Variants in CSMD1 observed in about 807,000 individuals in gnomAD.
The protein encoded by CSMD1 is CUB and Sushi multiple domains 1.
In CSMD1, 213 loss-of-function variants were observed where a neutral mutation model predicts 417.5. The ratio of observed to expected loss-of-function variants is 0.51; its 90% CI spans 0.46 to 0.57. CSMD1 has a LOEUF of 0.57. CSMD1 is among the 20% of genes least tolerant of loss of function. The pLI, the probability that CSMD1 is intolerant of heterozygous loss-of-function variation, is 0.00. For synonymous variants in CSMD1, 2,862 were observed against 1,736.8 expected (o/e 1.65, Z -16.11); for missense variants, 6,923 against 4,529.7 (o/e 1.53, Z -15.17).
intron 5 of CSMD1, among the ~76,000 whole-genome samples, chr8:3,785,777 G>C (rs985018358): frequency 2.0e-5 from 3 of 152,068 alleles, no homozygotes; most frequent in African/African-American, 7.2e-5. Flanking sequence ...CAGGAACCTG[G>C]AAGAGTAGGT....
Position 3,558,374 on chromosome 8 carries a change from TCAGTAGTACCCCGTGTCCACTTCTC to T in CSMD1, c.1344+16546_1344+16570del, listed in dbSNP as rs1799275157. On this transcript the variant is annotated intron_variant, in intron 10 of 69. Transcript: ENST00000635120. ...CACTCCTCCAATGATGAATGGTGCC[TCAGTAGTACCCCGTGTCCACTTCTC>T]CAATGATGAACGGTGCCTCAATGGT... Among the ~76,000 whole-genome samples, 6 of 138,902 alleles carry T rather than the reference TCAGTAGTACCCCGTGTCCACTTCTC, an allele frequency of 4.3e-5. No homozygotes were observed. The South Asian group carries it at 6.8e-4, about 16-fold the overall frequency. 91.1% of individuals were successfully genotyped at this position (138,902 alleles called of 152,430 possible). A position where few individuals can be genotyped will look rare whatever the true frequency, so the allele number is the denominator to read the frequency against.
In CSMD1 at chr8:4,865,267, T is replaced by C. The variant is rs183439468; in HGVS notation, c.85+129065A>G. ...CAACATAAAACTTCTATGTTATTCA[T>C]CCTAAGAAAATACTACATACTGCTT... On this transcript the variant is annotated intron_variant, in intron 1 of 69. Transcript: ENST00000635120. Among the ~76,000 whole-genome samples the C allele has an allele frequency of 2.0e-3, 299 of 151,972 alleles. 3 individuals carry two copies. Among genetic ancestry groups the C allele is most frequent in the African/African-American group, 6.8e-3 (280 of 41,464 alleles).
intron 5 of CSMD1, among the ~76,000 whole-genome samples, chr8:3,846,215 T>A (rs1803492814): frequency 6.6e-6 from 1 of 152,194 alleles, no homozygotes; most frequent in African/African-American, 2.4e-5. Context: ...ATACGTTTGT[T>A]GCCACCAGCA....
At chr8:4,750,650 T>C (rs1811257914) in intron 1 of CSMD1, among the ~76,000 whole-genome samples, 1 of 151,968 alleles carries the variant, frequency 6.6e-6, no homozygotes, top group Non-Finnish European at 1.5e-5. Context: ...CTAAATAAAA[T>C]TAAAGGAATC....
intron 6 of CSMD1, among the ~76,000 whole-genome samples, chr8:3,714,849 TCA>T (rs1801737740): frequency 6.6e-6 from 1 of 152,178 alleles, no homozygotes; most frequent in Non-Finnish European, 1.5e-5. Context: ...TTGAATTATC[TCA>T]GAGCTTTATC....
chr8:4,232,458 C>G (rs372652881), intron 3 of CSMD1, among the ~76,000 whole-genome samples: 2 of 152,150 alleles, frequency 1.3e-5, no homozygotes, highest in African/African-American at 4.8e-5. Flanking sequence ...CTCAGATTCC[C>G]AAAGTGCTGG....
chr8:3,804,016 C>G (rs980311778), intron 5 of CSMD1, among the ~76,000 whole-genome samples: 1 of 152,118 alleles, frequency 6.6e-6, no homozygotes. Flanking sequence ...CAACCTCCAC[C>G]TCCTGAGTTC....
At chr8:3,122,014 A>T (rs1817241857) in intron 41 of CSMD1, among the ~76,000 whole-genome samples, 2 of 152,098 alleles carry the variant, frequency 1.3e-5, no homozygotes, top group African/African-American at 2.4e-5. Flanking sequence ...GGTTTTTGCC[A>T]TTACTTTCAA....
At chr8:3,701,029 C>A (rs921214430) in intron 7 of CSMD1, among the ~76,000 whole-genome samples, 1 of 150,116 alleles carries the variant, frequency 6.7e-6, no homozygotes. Context: ...TGGGATATGT[C>A]GGGGGGCAGT....
intron 3 of CSMD1, among the ~76,000 whole-genome samples, chr8:4,308,224 T>C (rs76124920): frequency 0.018 from 2,784 of 152,214 alleles, 43 homozygotes; most frequent in Non-Finnish European, 0.025. Context: ...GGGATGTGTG[T>C]GGTATGCAGT....
At chr8:4,747,407 G>A (rs181683154) in intron 1 of CSMD1, among the ~76,000 whole-genome samples, 3 of 152,134 alleles carry the variant, frequency 2.0e-5, no homozygotes, top group African/African-American at 4.8e-5. Flanking sequence ...AGATTGGTAA[G>A]AGCAATACAA....
At chr8:3,571,064 C>G (rs1374442267) in intron 10 of CSMD1, among the ~76,000 whole-genome samples, 4 of 152,168 alleles carry the variant, frequency 2.6e-5, no homozygotes, top group Non-Finnish European at 5.9e-5. Flanking sequence ...CACTCCAGGG[C>G]AAAACACTTC....
At chr8:3,796,914 T>C (rs1465911083) in intron 5 of CSMD1, among the ~76,000 whole-genome samples, 1 of 151,786 alleles carries the variant, frequency 6.6e-6, no homozygotes, top group African/African-American at 2.4e-5. Flanking sequence ...CAACTCATTA[T>C]AGCCTAATGA....
intron 3 of CSMD1, among the ~76,000 whole-genome samples, chr8:4,134,660 C>G (rs1241921642): frequency 6.6e-6 from 1 of 152,184 alleles, no homozygotes; most frequent in African/African-American, 2.4e-5. Context: ...TATCTAGAAT[C>G]ATTCAAATTT....
At chr8:4,495,339 G>A (rs1428485515) in intron 2 of CSMD1, among the ~76,000 whole-genome samples, 3 of 152,220 alleles carry the variant, frequency 2.0e-5, no homozygotes, top group Admixed American at 1.3e-4. Context: ...ACTTTGGGAG[G>A]CTGAGGCGGG....
rs1374096075 is a variant in CSMD1 at position 4,381,252 on chromosome 8, T to C, written c.415+38701A>G. Among the ~76,000 whole-genome samples, 9 of 152,000 alleles carry C rather than the reference T, an allele frequency of 5.9e-5. No individual in the cohort carries two copies. The East Asian group carries it at 1.7e-3, about 29-fold the overall frequency. On this transcript the variant is annotated intron_variant, in intron 3 of 69. Coordinates refer to ENST00000635120, the MANE Select transcript of CSMD1 (RefSeq NM_033225.6). ...CAGTGAGATTAGGGGAGCATCTGAG[T>C]GAGGAATAAAGGCGTCAAAACAGCC...
chr8:2,955,844 TA>T (rs1802965014), intron 63 of CSMD1, 76 bp from the exon 64 acceptor site: 1 of 1,343,502 alleles, frequency 7.4e-7, no homozygotes, highest in African/African-American at 1.5e-5. Context: ...ATTAATAGAT[TA>T]AAATAGTTTG....
chr8:3,299,409 G>T (rs190147986), intron 25 of CSMD1, among the ~76,000 whole-genome samples: 2 of 152,054 alleles, frequency 1.3e-5, no homozygotes, highest in Non-Finnish European at 2.9e-5. Flanking sequence ...CCAAGATCAC[G>T]CTATTGCACT....
At chr8:4,820,563 A>C (rs1799464768) in intron 1 of CSMD1, among the ~76,000 whole-genome samples, 1 of 152,196 alleles carries the variant, frequency 6.6e-6, no homozygotes, top group Non-Finnish European at 1.5e-5. Context: ...GTGAAGAAAA[A>C]AAGTGAGCAA....
Sources: allele counts gnomAD v4.1 joint callset (sites outside exome capture counted in the v4.1 genomes callset), GRCh38; gene constraint gnomAD v4.1.1; transcripts MANE v1.5; gene names NCBI Gene and HGNC (gene_info 2026-07-23, HGNC 2026-07-21).